PTN: variants seen among roughly 807,000 people sequenced by gnomAD.
PTN encodes pleiotrophin.
PTN carries 18 observed loss-of-function variants against 24.1 expected under a neutral mutation model. That is an observed-to-expected ratio of 0.75 (90% CI 0.52 to 1.11). The LOEUF is 1.11. PTN is among the 50% of genes least tolerant of loss of function. The pLI is 0.00. For synonymous variants in PTN, 78 were observed against 68.6 expected, an observed-to-expected ratio of 1.14 and a Z score of -0.67; for missense variants, 163 against 198.8, an observed-to-expected ratio of 0.82 and a Z score of 1.08.
Position 137,343,541 on chromosome 7 carries a change from T to C in PTN, c.-104A>G, listed in dbSNP as rs375486448. ...TACCCGGCTCGCTGCAGCTCCTGCTTGGGCCGCTGCTGCTCTCCCCGCCTT... is the reference window on the plus strand; with the variant it reads ...TACCCGGCTCGCTGCAGCTCCTGCTCGGGCCGCTGCTGCTCTCCCCGCCTT... On this transcript the variant is annotated 5_prime_UTR_variant, in exon 1 of 5. Transcript: ENST00000348225. 7 of 518,874 alleles carry C rather than the reference T, an allele frequency of 1.3e-5. No homozygotes were observed. Among genetic ancestry groups the C allele is most frequent in the African/African-American group, 1.3e-4 (7 of 51,956 alleles). 32.1% of individuals were successfully genotyped at this position (518,874 alleles called of 1,614,324 possible).
intron 4 of PTN, among the ~76,000 whole-genome samples, chr7:137,241,768 T>G (rs560137621): frequency 3.3e-5 from 5 of 152,242 alleles, no homozygotes; most frequent in African/African-American, 1.2e-4. Flanking sequence ...AATAAAAACT[T>G]GAGACCCAAC....
At chr7:137,289,184 T>C (rs746456495) in intron 1 of PTN, among the ~76,000 whole-genome samples, 2 of 152,174 alleles carry the variant, frequency 1.3e-5, no homozygotes, top group Non-Finnish European at 2.9e-5. Flanking sequence ...TCTAAACATA[T>C]TCTCAAGATT....
intron 1 of PTN, among the ~76,000 whole-genome samples, chr7:137,294,468 G>C (rs925993934): frequency 1.3e-5 from 2 of 152,102 alleles, no homozygotes; most frequent in Admixed American, 1.3e-4. Context: ...TGACATGTAA[G>C]TTTCCTTTTA....
chr7:137,278,956 AT>A (rs2128875659), intron 1 of PTN, among the ~76,000 whole-genome samples: 1 of 142,072 alleles, frequency 7.0e-6, no homozygotes, highest in African/African-American at 2.7e-5. Context: ...AATAATAATA[AT>A]AATAATAATA....
intron 1 of PTN, 88 bp from the exon 2 acceptor site, chr7:137,255,062 T>C: frequency 1.2e-6 from 1 of 829,684 alleles, no homozygotes; most frequent in South Asian, 3.4e-5. Flanking sequence ...AAGGCTCCAC[T>C]TTCCATTTCT....
intron 1 of PTN, among the ~76,000 whole-genome samples, chr7:137,315,362 A>G (rs1192403916): frequency 2.6e-5 from 4 of 152,134 alleles, no homozygotes; most frequent in Non-Finnish European, 5.9e-5. Context: ...AAAAAAAAAA[A>G]AAGTGCAAGC....
chr7:137,259,334 T>C (rs1478807520), intron 1 of PTN, among the ~76,000 whole-genome samples: 1 of 152,022 alleles, frequency 6.6e-6, no homozygotes, highest in African/African-American at 2.4e-5. Context: ...TAGCGACCTA[T>C]TTGGGGGATT....
At chr7:137,292,255 G>C (rs1228770537) in intron 1 of PTN, among the ~76,000 whole-genome samples, 1 of 152,046 alleles carries the variant, frequency 6.6e-6, no homozygotes, top group Non-Finnish European at 1.5e-5. Flanking sequence ...CACATCATCT[G>C]CATACTTTAA....
chr7:137,248,149 T>A lies in PTN; in HGVS notation c.451+3081A>T, dbSNP rs1391332958. ...CATTCATTACTATTTGCTTTCCCATTGATTAGTAGAATGTAAGCTATCTTA... is the reference window on the plus strand; with the variant it reads ...CATTCATTACTATTTGCTTTCCCATAGATTAGTAGAATGTAAGCTATCTTA... On this transcript the variant is annotated intron_variant, in intron 4 of 4. Transcript: ENST00000348225. Among the ~76,000 whole-genome samples, 7 of 152,308 alleles carry A rather than the reference T, an allele frequency of 4.6e-5. No individual in the cohort carries two copies. In the East Asian group the frequency reaches 9.7e-4, roughly 21 times the overall value.
intron 4 of PTN, among the ~76,000 whole-genome samples, chr7:137,231,000 C>T (rs1205317590): frequency 1.3e-5 from 2 of 151,840 alleles, no homozygotes; most frequent in African/African-American, 2.4e-5. Flanking sequence ...TGCCTCCCAT[C>T]CTTCAGGTAC....
At chr7:137,231,173 T>C (rs990277760) in intron 4 of PTN, among the ~76,000 whole-genome samples, 1 of 151,970 alleles carries the variant, frequency 6.6e-6, no homozygotes, top group South Asian at 2.1e-4. Flanking sequence ...CTCCAACCCA[T>C]GGCACAGGGC....
At chr7:137,253,244 G>C (rs1020475445) in intron 3 of PTN, among the ~76,000 whole-genome samples, 2 of 152,154 alleles carry the variant, frequency 1.3e-5, no homozygotes, top group Non-Finnish European at 2.9e-5. Context: ...CCGGAAACTA[G>C]CGAGTAGAAG....
At chr7:137,335,953 C>A (rs1366335265) in intron 1 of PTN, among the ~76,000 whole-genome samples, 1 of 141,600 alleles carries the variant, frequency 7.1e-6, no homozygotes, top group African/African-American at 2.7e-5. Context: ...TTTAGTATGA[C>A]TCATTTCTTT....
intron 1 of PTN, among the ~76,000 whole-genome samples, chr7:137,338,981 G>A (rs1218045734): frequency 6.6e-6 from 1 of 151,836 alleles, no homozygotes; most frequent in African/African-American, 2.4e-5. Flanking sequence ...AGAGGAAGGC[G>A]GGAAACTGAA....
intron 1 of PTN, among the ~76,000 whole-genome samples, chr7:137,263,483 C>A (rs1044832007): frequency 6.6e-6 from 1 of 152,110 alleles, no homozygotes; most frequent in African/African-American, 2.4e-5. Flanking sequence ...GAGTTTCTTG[C>A]CGGGCCAGAA....
intron 4 of PTN, among the ~76,000 whole-genome samples, chr7:137,230,365 G>T (rs1029456648): frequency 5.3e-5 from 8 of 151,744 alleles, no homozygotes; most frequent in African/African-American, 1.9e-4. Context: ...TCAACAATTT[G>T]CTTATTAAAT....
At chr7:137,231,050 T>C (rs1366834090) in intron 4 of PTN, among the ~76,000 whole-genome samples, 2 of 151,812 alleles carry the variant, frequency 1.3e-5, no homozygotes, top group African/African-American at 2.4e-5. Flanking sequence ...CCTCGCAGTG[T>C]GAGTTAGAAG....
chr7:137,285,907 G>A (rs1228634272), intron 1 of PTN, among the ~76,000 whole-genome samples: 1 of 152,070 alleles, frequency 6.6e-6, no homozygotes, highest in Non-Finnish European at 1.5e-5. Flanking sequence ...AATAGCATGT[G>A]GCTGATACTC....
rs143373137 is a variant in PTN, at chr7:137,296,777, T to A, written c.-1-41803A>T. ...CACTTAGCCCATAATTGCACACTAG[T>A]GAAACACAGAGGTTCCATTATTTTT... On this transcript the variant is annotated intron_variant, in intron 1 of 4. Transcript: ENST00000348225. 2.9e-3 allele frequency among the ~76,000 whole-genome samples: 440 copies of A among 152,150 alleles called. 2 individuals are homozygous for A. The highest frequency in any genetic ancestry group is 0.01 in the African/African-American group (421 of 41,542).
Sources: allele counts gnomAD v4.1 joint callset (sites outside exome capture counted in the v4.1 genomes callset), GRCh38; gene constraint gnomAD v4.1.1; transcripts MANE v1.5; gene names NCBI Gene and HGNC (gene_info 2026-07-23, HGNC 2026-07-21).